Variants in CCDC171 observed in about 807,000 individuals in gnomAD.
CCDC171 encodes coiled-coil domain-containing protein 171.
In CCDC171, 177 loss-of-function variants were observed where a neutral mutation model predicts 168.2. The observed-to-expected ratio is 1.05, with a 90% CI of 0.93 to 1.19. The LOEUF (loss-of-function observed/expected upper bound fraction) is 1.19. Among genes scored for constraint, CCDC171 ranks in the 50% most tolerant of loss-of-function variants. The pLI is 0.00. For missense variants in CCDC171, 1,991 were observed against 1,539.0 expected, an observed-to-expected ratio of 1.29 and a Z score of -4.91; for synonymous variants, 687 against 540.8, an observed-to-expected ratio of 1.27 and a Z score of -3.75.
At position 15,623,473 on chromosome 9, in the gene CCDC171, G is replaced by GCACACACACA. The variant is rs1310330705; in HGVS notation, c.822+61_822+62insACACACACAC. 3.8e-3 allele frequency: 1,743 copies of GCACACACACA among 462,838 alleles called. 7 individuals are homozygous for GCACACACACA. Among genetic ancestry groups the GCACACACACA allele is most frequent in the Admixed American group, 7.8e-3 (188 of 24,098 alleles). 28.7% of individuals were successfully genotyped at this position (462,838 alleles called of 1,614,324 possible). On this transcript the variant is annotated intron_variant, in intron 7 of 25. Coordinates refer to ENST00000380701, the MANE Select transcript of CCDC171 (RefSeq NM_173550.4). ...TACAAACTTTCACATATGCGCGCGCGCGCACACACACACACACACACACAC... is the reference window on the plus strand; with the variant it reads ...TACAAACTTTCACATATGCGCGCGCGCACACACACACGCACACACACACACACACACACAC...
chr9:15,723,018 G>A (rs939789096), intron 12 of CCDC171, among the ~76,000 whole-genome samples: 1 of 152,264 alleles, frequency 6.6e-6, no homozygotes, highest in East Asian at 1.9e-4. Flanking sequence ...TTGAAAAGTC[G>A]ACTCAGCAGG....
At chr9:15,778,924 A>C in intron 19 of CCDC171, 44 bp from the exon 20 acceptor site, 1 of 1,325,590 alleles carries the variant, frequency 7.5e-7, no homozygotes, top group South Asian at 2.1e-5. Flanking sequence ...ATTGTTAGTA[A>C]ATCTGTAGTT....
intron 9 of CCDC171, among the ~76,000 whole-genome samples, chr9:15,671,988 T>C (rs2049150328): frequency 6.6e-6 from 1 of 152,230 alleles, no homozygotes; most frequent in Admixed American, 6.5e-5. Flanking sequence ...CATTCCTATT[T>C]CTCCACATCC....
intron 3 of CCDC171, among the ~76,000 whole-genome samples, chr9:15,577,764 T>G (rs1343788017): frequency 6.6e-6 from 1 of 152,196 alleles, no homozygotes; most frequent in Non-Finnish European, 1.5e-5. Context: ...CAAGGTTGAT[T>G]AGAGCTAGAA....
At chr9:16,052,134 C>T (rs1032970460) in intron 1 of CCDC171, among the ~76,000 whole-genome samples, 1 of 152,316 alleles carries the variant, frequency 6.6e-6, no homozygotes, top group African/African-American at 2.4e-5. Flanking sequence ...AACCAAATCA[C>T]CCCTTTTGTT....
At chr9:16,063,651 A>G (rs1463906345), downstream of CCDC171, among the ~76,000 whole-genome samples, 5 of 151,982 alleles carry the variant, frequency 3.3e-5, no homozygotes, top group African/African-American at 7.3e-5. Context: ...GACTGTTTCT[A>G]TAAGAAGTGG....
At chr9:15,858,515 A>C (rs1252300066) in intron 23 of CCDC171, among the ~76,000 whole-genome samples, 1 of 151,588 alleles carries the variant, frequency 6.6e-6, no homozygotes, top group Non-Finnish European at 1.5e-5. Context: ...GGTAGTATGA[A>C]CATTTTAACA....
At chr9:15,905,819 A>C (rs1589071356) in intron 24 of CCDC171, among the ~76,000 whole-genome samples, 1 of 152,204 alleles carries the variant, frequency 6.6e-6, no homozygotes, top group Admixed American at 6.5e-5. Flanking sequence ...AAACAGACAC[A>C]ATAAAAAATG....
chr9:15,896,872 G>A (rs1018063654), intron 24 of CCDC171, among the ~76,000 whole-genome samples: 1 of 152,034 alleles, frequency 6.6e-6, no homozygotes, highest in South Asian at 2.1e-4. Flanking sequence ...CCGAATATGG[G>A]CTATCCAGAA....
chr9:15,603,005 G>A (rs983957956), intron 6 of CCDC171, among the ~76,000 whole-genome samples: 2 of 150,500 alleles, frequency 1.3e-5, no homozygotes, highest in African/African-American at 4.9e-5. Flanking sequence ...TTTTTGAGAC[G>A]GAGTCTCACT....
chr9:15,562,029 C>T (rs1016482027), intron 1 of CCDC171, among the ~76,000 whole-genome samples: 2 of 151,956 alleles, frequency 1.3e-5, no homozygotes, highest in Admixed American at 6.6e-5. Context: ...GAGTCTTACT[C>T]TGTAGCCCAG....
At chr9:16,001,145 A>G (rs1050417734) in intron 3 of CCDC171, among the ~76,000 whole-genome samples, 6 of 152,194 alleles carry the variant, frequency 3.9e-5, no homozygotes, top group Admixed American at 1.3e-4. Context: ...TTCAGGATTC[A>G]GTTGCCTAGA....
At chr9:16,052,526 G>A (rs927028739) in intron 1 of CCDC171, among the ~76,000 whole-genome samples, 11 of 152,140 alleles carry the variant, frequency 7.2e-5, no homozygotes, top group African/African-American at 2.7e-4. Flanking sequence ...TGAGGCCTAG[G>A]AAGAGTAACT....
chr9:15,944,959 C>A (rs148289547), intron 25 of CCDC171, among the ~76,000 whole-genome samples: 1 of 151,078 alleles, frequency 6.6e-6, no homozygotes, highest in African/African-American at 2.4e-5. Flanking sequence ...TATACATGTG[C>A]CATGCTGGTG....
intron 21 of CCDC171, among the ~76,000 whole-genome samples, chr9:15,812,502 A>T (rs1004877402): frequency 6.6e-6 from 1 of 152,212 alleles, no homozygotes; most frequent in African/African-American, 2.4e-5. Context: ...CCTTAAACAA[A>T]ATTTGGGCCC....
chr9:16,104,474 G>T, the CCDC171 span, among the ~76,000 whole-genome samples: 11,341 of 152,082 alleles, frequency 0.075, 842 homozygotes, highest in African/African-American at 0.19. Flanking sequence ...CTCAGCTGCT[G>T]GCCAAGTAAT....
intron 9 of CCDC171, among the ~76,000 whole-genome samples, chr9:15,677,790 C>A (rs934211812): frequency 7.3e-6 from 1 of 137,666 alleles, no homozygotes; most frequent in Non-Finnish European, 1.6e-5. Context: ...TGTATATATA[C>A]CCCATCTCAT....
intron 6 of CCDC171, among the ~76,000 whole-genome samples, chr9:16,024,897 C>G (rs532880379): frequency 1.3e-5 from 2 of 152,298 alleles, no homozygotes; most frequent in South Asian, 4.1e-4. Context: ...TTTGGATAAC[C>G]AATCATCTCA....
chr9:15,951,983 A>C (rs932794231), intron 25 of CCDC171, among the ~76,000 whole-genome samples: 1 of 152,128 alleles, frequency 6.6e-6, no homozygotes, highest in African/African-American at 2.4e-5. Flanking sequence ...TCTTCTAAAA[A>C]TTTTATAATT....
Sources: allele counts gnomAD v4.1 joint callset (sites outside exome capture counted in the v4.1 genomes callset), GRCh38; gene constraint gnomAD v4.1.1; transcripts MANE v1.5; gene names NCBI Gene and HGNC (gene_info 2026-07-23, HGNC 2026-07-21).